The following SNTG1 variants were observed in gnomAD, a reference collection of about 807,000 sequenced individuals.
SNTG1 encodes the protein gamma-1-syntrophin.
SNTG1 carries 39 observed loss-of-function variants against 74.7 expected under a neutral mutation model. The ratio of observed to expected loss-of-function variants is 0.52; its 90% CI spans 0.40 to 0.68. SNTG1 has a LOEUF of 0.68. Among genes scored for constraint, SNTG1 ranks in the 30% least tolerant of loss-of-function variants. The pLI is 0.00. For missense variants in SNTG1, 685 were observed against 609.5 expected, an observed-to-expected ratio of 1.12 and a Z score of -1.30; for synonymous variants, 254 against 217.1, an observed-to-expected ratio of 1.17 and a Z score of -1.49.
At chr8:49,980,856 CTG>C (rs896895136) in intron 1 of SNTG1, among the ~76,000 whole-genome samples, 2 of 152,150 alleles carry the variant, frequency 1.3e-5, no homozygotes, top group Non-Finnish European at 2.9e-5. Flanking sequence ...CATTCACAGA[CTG>C]TACACTTTTA....
chr8:49,924,129 G>C (rs139340325), intron 1 of SNTG1, among the ~76,000 whole-genome samples: 1,940 of 152,180 alleles, frequency 0.013, 43 homozygotes, highest in African/African-American at 0.043. Context: ...TACAATTTTA[G>C]ATATGTAACT....
intron 4 of SNTG1, among the ~76,000 whole-genome samples, chr8:50,404,963 T>C (rs2092853022): frequency 6.6e-6 from 1 of 152,124 alleles, no homozygotes; most frequent in Non-Finnish European, 1.5e-5. Context: ...GGATCATCCA[T>C]GTTGAAGCAT....
At chr8:50,668,575 G>A (rs1170203584) in intron 15 of SNTG1, among the ~76,000 whole-genome samples, 1 of 151,124 alleles carries the variant, frequency 6.6e-6, no homozygotes, top group Non-Finnish European at 1.5e-5. Context: ...AAAATGTGCA[G>A]GTTTCTTACC....
chr8:50,594,614 G>T (rs995348443), intron 13 of SNTG1, among the ~76,000 whole-genome samples: 15 of 151,986 alleles, frequency 9.9e-5, no homozygotes, highest in Non-Finnish European at 2.1e-4. Context: ...GTTGGCAGCT[G>T]GAATTAAAAG....
intron 2 of SNTG1, among the ~76,000 whole-genome samples, chr8:50,383,090 TA>T (rs2092516149): frequency 6.6e-6 from 1 of 152,184 alleles, no homozygotes; most frequent in South Asian, 2.1e-4. Context: ...AATGCGCAAT[TA>T]AATAATTGGG....
At chr8:50,455,836 T>C (rs1385094182) in intron 8 of SNTG1, among the ~76,000 whole-genome samples, 1 of 152,222 alleles carries the variant, frequency 6.6e-6, no homozygotes. Context: ...AATCATGTTT[T>C]ACCTAACTGC....
intron 1 of SNTG1, among the ~76,000 whole-genome samples, chr8:50,025,219 C>A (rs888225620): frequency 3.3e-5 from 5 of 152,068 alleles, no homozygotes; most frequent in Non-Finnish European, 5.9e-5. Context: ...TTCTCTGGCA[C>A]AAAATACCAT....
At chr8:50,252,774 C>T (rs1169313368) in intron 2 of SNTG1, among the ~76,000 whole-genome samples, 1 of 152,146 alleles carries the variant, frequency 6.6e-6, no homozygotes, top group Non-Finnish European at 1.5e-5. Context: ...GGATTCACCC[C>T]CATGACTCAA....
intron 1 of SNTG1, among the ~76,000 whole-genome samples, chr8:50,104,856 A>G (rs974102489): frequency 6.6e-6 from 1 of 152,062 alleles, no homozygotes; most frequent in African/African-American, 2.4e-5. Flanking sequence ...GTGTCTGTTC[A>G]TGCCCTCTGT....
At chr8:50,352,293 G>A (rs1466128) in intron 2 of SNTG1, among the ~76,000 whole-genome samples, 23,780 of 152,128 alleles carry the variant, frequency 0.16, 2,311 homozygotes, top group Middle Eastern at 0.25. Context: ...GATTCTTGAG[G>A]AAGGGAACTT....
At chr8:50,537,710 G>C (rs906157989) in intron 11 of SNTG1, among the ~76,000 whole-genome samples, 4 of 152,124 alleles carry the variant, frequency 2.6e-5, no homozygotes, top group Non-Finnish European at 5.9e-5. Context: ...TAACCTCCAG[G>C]GGTTGGGAAA....
chr8:50,768,239 A>G (rs1384604263), intron 18 of SNTG1, among the ~76,000 whole-genome samples: 2 of 152,036 alleles, frequency 1.3e-5, no homozygotes, highest in Admixed American at 1.3e-4. Context: ...ATTGACTCCC[A>G]TTAATACTAC....
chr8:50,095,273 T>A (rs2079884939), intron 1 of SNTG1, among the ~76,000 whole-genome samples: 1 of 152,104 alleles, frequency 6.6e-6, no homozygotes, highest in Admixed American at 6.5e-5. Flanking sequence ...TTTACCCACA[T>A]AACAAACCTG....
At chr8:50,410,244 T>C (rs1039280101) in intron 4 of SNTG1, among the ~76,000 whole-genome samples, 2 of 152,214 alleles carry the variant, frequency 1.3e-5, no homozygotes, top group Non-Finnish European at 2.9e-5. Context: ...ATAGGTCATC[T>C]GGGAGGCATG....
intron 1 of SNTG1, among the ~76,000 whole-genome samples, chr8:50,017,948 A>G (rs995486792): frequency 6.6e-6 from 1 of 152,028 alleles, no homozygotes; most frequent in Non-Finnish European, 1.5e-5. Flanking sequence ...ACTTAATCAC[A>G]GCAGAATGTA....
At chr8:50,786,639 A>T (rs1380019054) in intron 18 of SNTG1, among the ~76,000 whole-genome samples, 1 of 151,952 alleles carries the variant, frequency 6.6e-6, no homozygotes, top group African/African-American at 2.4e-5. Flanking sequence ...TTGTCATAAG[A>T]ATGGACATAT....
chr8:50,324,384 G>A (rs557774654), intron 2 of SNTG1, among the ~76,000 whole-genome samples: 18 of 152,182 alleles, frequency 1.2e-4, no homozygotes, highest in South Asian at 6.2e-4. Context: ...CTGTCTCTTC[G>A]GCCCTCCTCA....
Position 50,712,368 on chromosome 8 carries a change from G to T in SNTG1, c.1284+3390G>T, listed in dbSNP as rs565044641. The stretch of plus-strand genomic sequence containing the variant: ...GAATACCTTTAGGGTTTGAGACAAA[G>T]GAAAGAAATGATCAGATGTGTGTTT... On this transcript the variant is annotated intron_variant, in intron 17 of 18. Coordinates refer to ENST00000642720, the MANE Select transcript of SNTG1 (RefSeq NM_018967.5). 3.3e-5 allele frequency among the ~76,000 whole-genome samples: 5 copies of T among 152,242 alleles called. No individual in the cohort carries two copies. The South Asian group carries it at 1.0e-3, about 32-fold the overall frequency.
intron 12 of SNTG1, among the ~76,000 whole-genome samples, chr8:50,581,347 C>CT (rs2094608550): frequency 6.6e-6 from 1 of 152,172 alleles, no homozygotes; most frequent in South Asian, 2.1e-4. Flanking sequence ...TCAATAAATT[C>CT]TATGGTCATG....
Sources: allele counts gnomAD v4.1 joint callset (sites outside exome capture counted in the v4.1 genomes callset), GRCh38; gene constraint gnomAD v4.1.1; transcripts MANE v1.5; gene names NCBI Gene and HGNC (gene_info 2026-07-23, HGNC 2026-07-21).